Variants in PARD3 observed in about 807,000 individuals in gnomAD.
PARD3 encodes par-3 family cell polarity regulator, also known as partitioning defective 3 homolog.
Under a neutral mutation model 155.4 loss-of-function variants are expected in PARD3, and 75 were observed. The observed-to-expected ratio is 0.48, with a 90% CI of 0.40 to 0.58. The LOEUF (loss-of-function observed/expected upper bound fraction) is 0.58, where lower values mean the gene tolerates loss of function less well. Among genes scored for constraint, PARD3 ranks in the 20% least tolerant of loss-of-function variants. PARD3 has a pLI of 0.00. For missense variants in PARD3, 1,642 were observed against 1,721.7 expected, an observed-to-expected ratio of 0.95 and a Z score of 0.82; for synonymous variants, 576 against 610.5, an observed-to-expected ratio of 0.94 and a Z score of 0.83.
chr10:34,485,199 G>A (rs144605188), intron 3 of PARD3, among the ~76,000 whole-genome samples: 2,347 of 152,230 alleles, frequency 0.015, 59 homozygotes, highest in African/African-American at 0.054. Context: ...TTAGCCGGGC[G>A]TGGTGGTGCC....
At chr10:34,464,641 A>C (rs2077888334) in intron 4 of PARD3, among the ~76,000 whole-genome samples, 1 of 152,202 alleles carries the variant, frequency 6.6e-6, no homozygotes, top group Non-Finnish European at 1.5e-5. Context: ...CAACAGAAAA[A>C]ACCATCAAAT....
chr10:34,656,374 G>A (rs1462821417), intron 2 of PARD3, among the ~76,000 whole-genome samples: 1 of 152,192 alleles, frequency 6.6e-6, no homozygotes, highest in Non-Finnish European at 1.5e-5. Flanking sequence ...AATTATAGAT[G>A]CTCAAGTTTT....
chr10:34,645,362 C>T (rs1163664283), intron 2 of PARD3, among the ~76,000 whole-genome samples: 1 of 151,740 alleles, frequency 6.6e-6, no homozygotes, highest in East Asian at 1.9e-4. Context: ...CATACCACCA[C>T]GCCCAACTAA....
intron 2 of PARD3, among the ~76,000 whole-genome samples, chr10:34,567,222 C>T (rs577690335): frequency 6.6e-6 from 1 of 152,162 alleles, no homozygotes. Context: ...GAACAAAGTA[C>T]TGATATCAAC....
At chr10:34,619,831 A>C (rs2091521352) in intron 2 of PARD3, among the ~76,000 whole-genome samples, 1 of 152,148 alleles carries the variant, frequency 6.6e-6, no homozygotes, top group Non-Finnish European at 1.5e-5. Flanking sequence ...TCAATGTTTG[A>C]GAGCTCTGAC....
At chr10:34,761,980 T>A (rs992095513) in intron 1 of PARD3, among the ~76,000 whole-genome samples, 1 of 152,218 alleles carries the variant, frequency 6.6e-6, no homozygotes, top group African/African-American at 2.4e-5. Flanking sequence ...TATACGTGAT[T>A]TGAACACAGC....
chr10:34,707,897 T>C (rs2094390609), intron 1 of PARD3, among the ~76,000 whole-genome samples: 1 of 152,188 alleles, frequency 6.6e-6, no homozygotes, highest in African/African-American at 2.4e-5. Context: ...GCAGTCTGAA[T>C]CCTCCAAGGA....
intron 12 of PARD3, among the ~76,000 whole-genome samples, chr10:34,365,168 G>A (rs1051506987): frequency 4.6e-5 from 7 of 152,056 alleles, no homozygotes; most frequent in African/African-American, 1.7e-4. Context: ...TAGTGATATG[G>A]CCTACAAAAA....
chr10:34,786,808 A>G (rs1247202040), intron 1 of PARD3, among the ~76,000 whole-genome samples: 1 of 152,170 alleles, frequency 6.6e-6, no homozygotes, highest in Admixed American at 6.5e-5. Flanking sequence ...GATCCTACAT[A>G]TATTTCTTTT....
intron 3 of PARD3, among the ~76,000 whole-genome samples, chr10:34,485,562 G>A (rs1366248066): frequency 6.6e-6 from 1 of 152,128 alleles, no homozygotes; most frequent in Non-Finnish European, 1.5e-5. Flanking sequence ...CATAGATTCA[G>A]AGCTTTTTGA....
At chr10:34,631,416 G>T (rs2132825641) in intron 2 of PARD3, among the ~76,000 whole-genome samples, 1 of 152,276 alleles carries the variant, frequency 6.6e-6, no homozygotes. Context: ...ACCCTTAGGA[G>T]GGGGCAGTGA....
intron 2 of PARD3, among the ~76,000 whole-genome samples, chr10:34,565,259 G>GTTTT (rs1401119013): frequency 1.1e-5 from 1 of 87,664 alleles, no homozygotes; most frequent in African/African-American, 5.1e-5. Flanking sequence ...AAGGAGCAAG[G>GTTTT]CTTTTTTTTT....
At chr10:34,207,494 T>G (rs989250040) in intron 22 of PARD3, among the ~76,000 whole-genome samples, 1 of 152,096 alleles carries the variant, frequency 6.6e-6, no homozygotes, top group African/African-American at 2.4e-5. Context: ...AGAACAACTG[T>G]CCCTGGTCCT....
chr10:34,165,009 C>A (rs1020256622), intron 22 of PARD3, among the ~76,000 whole-genome samples: 1 of 152,136 alleles, frequency 6.6e-6, no homozygotes, highest in Non-Finnish European at 1.5e-5. Flanking sequence ...ACTAGACTCT[C>A]CTTTTTTTCT....
intron 11 of PARD3, among the ~76,000 whole-genome samples, chr10:34,373,617 G>T (rs1394442227): frequency 1.3e-5 from 2 of 151,868 alleles, no homozygotes; most frequent in Non-Finnish European, 2.9e-5. Context: ...TTGGATAACA[G>T]TGGGGGGAAA....
intron 20 of PARD3, among the ~76,000 whole-genome samples, chr10:34,298,359 C>T (rs533112834): frequency 3.9e-5 from 6 of 152,104 alleles, no homozygotes; most frequent in East Asian, 3.9e-4. Flanking sequence ...CGTGCATCGA[C>T]GTGGGAATGG....
intron 22 of PARD3, among the ~76,000 whole-genome samples, chr10:34,213,855 G>T (rs1251947194): frequency 2.0e-5 from 3 of 152,040 alleles, no homozygotes; most frequent in African/African-American, 7.2e-5. Context: ...AACTTATTTT[G>T]ATTTTTTGCA....
intron 5 of PARD3, among the ~76,000 whole-genome samples, chr10:34,449,082 C>T (rs181625728): frequency 0.011 from 1,069 of 100,874 alleles, 16 homozygotes; most frequent in African/African-American, 0.089. Flanking sequence ...CCACGCCCGG[C>T]TATTTTTTGT....
chr10:34,246,327 A>G lies in PARD3; in HGVS notation c.3419+23330T>C, dbSNP rs1953947743. Among the ~76,000 whole-genome samples the G allele has an allele frequency of 2.6e-5, 4 of 152,348 alleles. No individual in the cohort carries two copies. The South Asian group carries it at 8.3e-4, about 32-fold the overall frequency. On this transcript the variant is annotated intron_variant, in intron 22 of 24. Transcript: ENST00000374788. ...TAAGCAACTAGAAAACTAGTCAAAA[A>G]TAGGAAACAACTATTTTCAGCAGGA... is the stretch of plus-strand genomic sequence containing the variant.
Sources: allele counts gnomAD v4.1 joint callset (sites outside exome capture counted in the v4.1 genomes callset), GRCh38; gene constraint gnomAD v4.1.1; transcripts MANE v1.5; gene names NCBI Gene and HGNC (gene_info 2026-07-23, HGNC 2026-07-21).